ADAM12: variants seen among roughly 807,000 people sequenced by gnomAD.
ADAM12 encodes disintegrin and metalloproteinase domain-containing protein 12.
ADAM12 carries 70 observed loss-of-function variants against 106.4 expected under a neutral mutation model. The observed-to-expected ratio is 0.66, with a 90% confidence interval of 0.54 to 0.80. ADAM12 has a LOEUF of 0.80. ADAM12 is among the 30% of genes least tolerant of loss of function. The pLI, the probability that ADAM12 is intolerant of heterozygous loss-of-function variation, is 0.00. For missense variants in ADAM12, 1,010 were observed against 1,171.9 expected (o/e 0.86, Z 2.02); for synonymous variants, 420 against 433.5 (o/e 0.97, Z 0.39).
chr10:126,176,895 T>C (rs947500762), intron 3 of ADAM12, among the ~76,000 whole-genome samples: 1 of 152,042 alleles, frequency 6.6e-6, no homozygotes, highest in Non-Finnish European at 1.5e-5. Flanking sequence ...TGGAGAGAAA[T>C]TGGCAACTGG....
chr10:126,046,292 A>G lies in ADAM12; in HGVS notation c.1918-160T>C, dbSNP rs1954317560. On this transcript the variant is annotated intron_variant, in intron 16 of 22. Coordinates refer to ENST00000448723, the MANE Select transcript of ADAM12 (RefSeq NM_001288973.2). ...GATGGAGCATAACAATACATTTTAT[A>G]CTGGACTCAGGCATGGATCTTATTG... Among the ~76,000 whole-genome samples, 5 of 152,334 alleles carry G rather than the reference A, an allele frequency of 3.3e-5. No individual in the cohort carries two copies. In the South Asian group the frequency reaches 1.0e-3, roughly 32 times the overall value.
intron 5 of ADAM12, among the ~76,000 whole-genome samples, chr10:126,127,985 A>T (rs1221839654): frequency 6.6e-6 from 1 of 152,152 alleles, no homozygotes; most frequent in East Asian, 1.9e-4. Flanking sequence ...CAGGAAGGGG[A>T]TGGTGGGACT....
At chr10:126,113,006 G>A (rs73378644) in intron 6 of ADAM12, among the ~76,000 whole-genome samples, 7,089 of 152,226 alleles carry the variant, frequency 0.047, 577 homozygotes, top group African/African-American at 0.16. Flanking sequence ...CAGAATTAAC[G>A]AAAGAAAGAG....
chr10:126,130,882 A>G (rs1274401668), intron 5 of ADAM12, among the ~76,000 whole-genome samples: 1 of 152,188 alleles, frequency 6.6e-6, no homozygotes, highest in Non-Finnish European at 1.5e-5. Flanking sequence ...AAGTTGTTTT[A>G]TTAAGGTAAA....
chr10:126,387,481 G>T (rs1856704554), intron 1 of ADAM12, among the ~76,000 whole-genome samples: 1 of 152,102 alleles, frequency 6.6e-6, no homozygotes, highest in African/African-American at 2.4e-5. Context: ...CAGGAAGAGG[G>T]GCAGAGAGGA....
At position 126,351,260 on chromosome 10, in the gene ADAM12, C is replaced by T. The variant is rs78165894; in HGVS notation, c.89-20751G>A. On this transcript the variant is annotated intron_variant, in intron 1 of 22. Transcript: ENST00000448723. The stretch of plus-strand genomic sequence containing the variant: ...TAGTCTCGGCTTTCCTGCAGCTGTC[C>T]GGACCTCACCAGATGTGTCCTGGTT... Among the ~76,000 whole-genome samples, 748 of 152,104 alleles carry T rather than the reference C, an allele frequency of 4.9e-3. 4 individuals are homozygous for T. Among genetic ancestry groups the T allele is most frequent in the African/African-American group, 0.017 (725 of 41,508 alleles).
chr10:126,238,334 G>T (rs1430106446), intron 3 of ADAM12, among the ~76,000 whole-genome samples: 2 of 152,126 alleles, frequency 1.3e-5, no homozygotes. Flanking sequence ...ACAAAAATTA[G>T]CCGGGCGTGG....
chr10:126,128,966 C>T (rs562483884), intron 5 of ADAM12, among the ~76,000 whole-genome samples: 8 of 151,802 alleles, frequency 5.3e-5, no homozygotes, highest in South Asian at 2.1e-4. Flanking sequence ...TGGGAGCCTG[C>T]GCATGTGAGT....
chr10:126,284,451 C>T (rs186698878), intron 2 of ADAM12, among the ~76,000 whole-genome samples: 197 of 152,154 alleles, frequency 1.3e-3, no homozygotes, highest in African/African-American at 4.6e-3. Context: ...GCACTAATGC[C>T]ACCCTGTGTT....
At chr10:126,338,857 A>AGAATG in intron 1 of ADAM12, among the ~76,000 whole-genome samples, 1 of 152,380 alleles carries the variant, frequency 6.6e-6, no homozygotes, top group South Asian at 2.1e-4. Flanking sequence ...CAAAACAACA[A>AGAATG]GAATGGAACC....
At chr10:126,275,164 A>T (rs1028769790) in intron 3 of ADAM12, among the ~76,000 whole-genome samples, 19 of 152,218 alleles carry the variant, frequency 1.2e-4, no homozygotes, top group African/African-American at 3.6e-4. Context: ...TACTGCCATC[A>T]CTCTTCATTA....
In ADAM12 at chr10:126,279,654, G is replaced by A. The variant is rs542067585; in HGVS notation, c.187-666C>T. 2.0e-5 allele frequency among the ~76,000 whole-genome samples: 3 copies of A among 152,146 alleles called. No homozygotes were observed. The South Asian group carries it at 6.2e-4, about 32-fold the overall frequency. ...AAGCAGGAGAATCGCTTGAACCCGG[G>A]AGGCCGAGGTTGTAGTGAGCCAAGA... On this transcript the variant is annotated intron_variant, in intron 2 of 22. Coordinates refer to ENST00000448723, the MANE Select transcript of ADAM12 (RefSeq NM_001288973.2).
intron 2 of ADAM12, among the ~76,000 whole-genome samples, chr10:126,329,527 G>T: frequency 6.6e-6 from 1 of 152,118 alleles, no homozygotes; most frequent in East Asian, 1.9e-4. Context: ...TTGCAACAAT[G>T]TCTGTGAAAC....
intron 3 of ADAM12, among the ~76,000 whole-genome samples, chr10:126,202,430 T>C (rs1240563633): frequency 6.6e-6 from 1 of 152,198 alleles, no homozygotes; most frequent in Non-Finnish European, 1.5e-5. Flanking sequence ...CTGAAAATCT[T>C]GCTTTTGTAT....
In ADAM12 at chr10:126,046,080, C is replaced by T. The variant is rs1954309827; in HGVS notation, c.1970G>A (p.Cys657Tyr). Residue 657 changes from cysteine (C) to tyrosine (Y), a missense_variant, in exon 17 of 23, where the codon TGT becomes TAT. This residue lies in a region of ADAM12 where 615 missense variants were observed against 708.5 expected (regional missense o/e 0.87). Transcript: ENST00000448723. ...CCCTCTGCCGTGGCACTGCATTGCA[C>T]ACTCGTGAACCCCAAAGACACTAAT... ...QNISVFGVHE[C>Y]AMQCHGRGVC... 1 of 1,614,196 alleles carries T rather than the reference C, an allele frequency of 6.2e-7. No individual in the cohort carries two copies. The highest frequency in any genetic ancestry group is 8.5e-7 in the Non-Finnish European group (1 of 1,180,026).
chr10:126,054,496 G>A (rs1954585302), intron 14 of ADAM12, among the ~76,000 whole-genome samples: 1 of 152,232 alleles, frequency 6.6e-6, no homozygotes, highest in African/African-American at 2.4e-5. Flanking sequence ...TCAGGGGGAA[G>A]CCTTGTTTTA....
chr10:126,294,561 G>C lies in ADAM12; in HGVS notation c.187-15573C>G, dbSNP rs1960287940. On this transcript the variant is annotated intron_variant, in intron 2 of 22. Coordinates refer to ENST00000448723, the MANE Select transcript of ADAM12 (RefSeq NM_001288973.2). The stretch of plus-strand genomic sequence containing the variant: ...GAGGAAAGGATTGCTCCATTCCTAA[G>C]AATGACCTGACTTAAATGATGAAAA... Among the ~76,000 whole-genome samples the C allele has an allele frequency of 1.3e-5, 2 of 152,092 alleles. 1 individual carries two copies. The highest frequency in any genetic ancestry group is 4.1e-4 in the South Asian group (2 of 4,828).
At chr10:126,250,395 CGT>C (rs377693145) in intron 3 of ADAM12, among the ~76,000 whole-genome samples, 4 of 151,764 alleles carry the variant, frequency 2.6e-5, no homozygotes, top group African/African-American at 4.8e-5. Context: ...AGTGTGTGAG[CGT>C]GTGTGTGTGT....
chr10:126,190,539 G>C (rs2133801707), intron 3 of ADAM12, among the ~76,000 whole-genome samples: 1 of 152,238 alleles, frequency 6.6e-6, no homozygotes, highest in Middle Eastern at 3.4e-3. Context: ...CCTCCAGCCA[G>C]CTGTGCTGGA....
Sources: gnomAD v4.1 joint callset for allele counts (sites outside exome capture counted in the v4.1 genomes callset) on GRCh38, gnomAD v4.1.1 for gene constraint, gnomAD v4.1.1 regional missense constraint, MANE v1.5 for transcripts, NCBI Gene and HGNC (gene_info 2026-07-23, HGNC 2026-07-21) for gene names.